HYLS1: variants seen among roughly 807,000 people sequenced by gnomAD.
HYLS1 encodes the protein centriolar and ciliogenesis-associated protein HYLS1.
HYLS1 carries 25 observed loss-of-function variants against 29.4 expected under a neutral mutation model. The observed-to-expected ratio is 0.85, with a 90% CI of 0.62 to 1.19. The LOEUF is 1.19. HYLS1 is among the 50% of genes most tolerant of loss of function. HYLS1 has a pLI of 0.00. For synonymous variants in HYLS1, 128 were observed against 126.7 expected (o/e 1.01, Z -0.07); for missense variants, 352 against 365.1 (o/e 0.96, Z 0.29).
intron 2 of HYLS1, among the ~76,000 whole-genome samples, chr11:125,897,703 T>C (rs1399440289): frequency 6.6e-6 from 1 of 152,156 alleles, no homozygotes; most frequent in Non-Finnish European, 1.5e-5. Flanking sequence ...AAAGACAAAG[T>C]TTGATAGTAT....
chr11:125,895,315 T>C lies in HYLS1; in HGVS notation c.-26+3843T>C, dbSNP rs575899270. On this transcript the variant is annotated intron_variant, in intron 2 of 2. Coordinates refer to ENST00000425380, the MANE Select transcript of HYLS1 (RefSeq NM_001134793.2). ...ATTCCTTGGCCAATCAGAAAGAGGA[T>C]AGCCATCATACATCGGACTTGATGA... The C allele has an allele frequency of 1.1e-5, 18 of 1,614,018 alleles. No homozygotes were observed. The highest frequency in any genetic ancestry group is 6.6e-5 in the South Asian group (6 of 91,084).
upstream of HYLS1, chr11:125,887,257 T>C (rs1166151119): frequency 6.6e-6 from 1 of 152,436 alleles, no homozygotes; most frequent in African/African-American, 2.4e-5. Context: ...CAGCAGCCAG[T>C]TGAGAAGGGC....
At chr11:125,896,000 T>C (rs756703983) in intron 2 of HYLS1, 20 of 1,614,070 alleles carry the variant, frequency 1.2e-5, no homozygotes, top group Non-Finnish European at 1.5e-5. Flanking sequence ...TGGTTAGAGC[T>C]TCAAACAGTT....
In HYLS1 at chr11:125,899,863, A is replaced by G. The variant is rs1944709492; in HGVS notation, c.495A>G (p.Gln165=). The G allele has an allele frequency of 1.2e-6, 2 of 1,614,228 alleles. No homozygotes were observed. The highest frequency in any genetic ancestry group is 2.2e-5 in the South Asian group (2 of 91,086). ...CACATGAATACCAAGGAATTTCTCA[A>G]GATCAGCTCATTTGCTCTCTACAAA... The part of the protein sequence containing the change: ...NLPHEYQGIS[Q]DQLICSLQRE... Residue 165 remains glutamine (Q), a synonymous_variant, in exon 3 of 3, where the codon CAA becomes CAG. Coordinates refer to ENST00000425380, the MANE Select transcript of HYLS1 (RefSeq NM_001134793.2).
intron 1 of HYLS1, among the ~76,000 whole-genome samples, chr11:125,890,896 A>G (rs1256115002): frequency 6.6e-6 from 1 of 152,192 alleles, no homozygotes; most frequent in African/African-American, 2.4e-5. Flanking sequence ...CAGAGGAAAT[A>G]ACACATTAAT....
At chr11:125,894,418 G>A (rs1944513163) in intron 2 of HYLS1, 2 of 666,490 alleles carry the variant, frequency 3.0e-6, no homozygotes, top group Non-Finnish European at 5.1e-6. Flanking sequence ...CCTAATAGCT[G>A]AGAAAATATC....
chr11:125,884,642 T>C (rs964707048), upstream of HYLS1, among the ~76,000 whole-genome samples: 2 of 152,138 alleles, frequency 1.3e-5, no homozygotes, highest in African/African-American at 4.8e-5. Context: ...TAGTATTATG[T>C]TATGCTTTTA....
intron 2 of HYLS1, among the ~76,000 whole-genome samples, chr11:125,893,013 G>C (rs1944456434): frequency 6.6e-6 from 1 of 152,152 alleles, no homozygotes; most frequent in Non-Finnish European, 1.5e-5. Context: ...CACATTTAAA[G>C]TGGTTCTTTA....
chr11:125,897,992 C>T (rs1023503577), intron 2 of HYLS1, among the ~76,000 whole-genome samples: 1 of 152,120 alleles, frequency 6.6e-6, no homozygotes, highest in Admixed American at 6.6e-5. Context: ...CATTGGAATT[C>T]CGCGCAACAT....
chr11:125,895,508 A>G lies in HYLS1; in HGVS notation c.-25-3836A>G, dbSNP rs367946467. On this transcript the variant is annotated intron_variant, in intron 2 of 2. Transcript: ENST00000425380. ...CCATTTTACACAAGTTCCTGAAATC[A>G]TGGGTGCCAACATACTTCTGAGCTG... The G allele has an allele frequency of 6.8e-6, 11 of 1,614,052 alleles. No homozygotes were observed. Among genetic ancestry groups the G allele is most frequent in the African/African-American group, 1.3e-5 (1 of 74,936 alleles).
At position 125,900,162 on chromosome 11, in the gene HYLS1, T is replaced by C. The variant is rs372320419; in HGVS notation, c.794T>C (p.Leu265Pro). 1 of 1,614,186 alleles carries C rather than the reference T, an allele frequency of 6.2e-7. No individual in the cohort carries two copies. Among genetic ancestry groups the C allele is most frequent in the Non-Finnish European group, 8.5e-7 (1 of 1,180,032 alleles). ...CATATATATGTCCCAAACAATTATC[T>C]AGTACCAACAGAGAAGAAAAGGTCT... Reference protein sequence around the residue: ...PQHIYVPNNYLVPTEKKRSAL... With the variant: ...PQHIYVPNNYPVPTEKKRSAL... Residue 265 changes from leucine (L) to proline (P), a missense_variant, in exon 3 of 3, where the codon CTA becomes CCA. Transcript: ENST00000425380.
At chr11:125,898,024 TGCTGATATA>T (rs1340497530) in intron 2 of HYLS1, among the ~76,000 whole-genome samples, 1 of 152,202 alleles carries the variant, frequency 6.6e-6, no homozygotes, top group Non-Finnish European at 1.5e-5. Context: ...TGTCGGCCTG[TGCTGATATA>T]GCTGGATAAC....
Position 125,900,505 on chromosome 11 carries a change from GTCTT to G in HYLS1, c.*241_*244del, listed in dbSNP as rs1944739175. 2.0e-6 allele frequency: 1 copy of G among 511,374 alleles called. No individual in the cohort carries two copies. Among genetic ancestry groups the G allele is most frequent in the African/African-American group, 1.9e-5 (1 of 51,770 alleles). The allele number at this position is 511,374 out of a possible 1,614,324, so 31.7% of individuals were successfully genotyped here. On this transcript the variant is annotated 3_prime_UTR_variant, in exon 3 of 3. Coordinates refer to ENST00000425380, the MANE Select transcript of HYLS1 (RefSeq NM_001134793.2). ...TATCAGAGAAAGAACAACAGACCTG[GTCTT>G]TCTATTTTGTCAAATTAGTAAGGGC... is the stretch of plus-strand genomic sequence containing the variant.
intron 2 of HYLS1, among the ~76,000 whole-genome samples, chr11:125,896,524 G>GA (rs951831695): frequency 2.6e-5 from 4 of 152,202 alleles, no homozygotes; most frequent in African/African-American, 9.7e-5. Flanking sequence ...TTCACAGAGG[G>GA]AAAGAACTGT....
rs771348153 is a variant in HYLS1 at position 125,900,260 on chromosome 11, CCTT to C, written c.896_898del (p.Ser299del). On this transcript the variant is annotated inframe_deletion, in exon 3 of 3. Transcript: ENST00000425380. ...CAGGAAGCTTCCCTTCCCTCTTTCT[CCTT>C]CTTAAATCTTTTTAAACTTCTTTCA... 111 of 1,614,096 alleles carry C rather than the reference CCTT, an allele frequency of 6.9e-5. No individual in the cohort carries two copies. The highest frequency in any genetic ancestry group is 2.5e-4 in the East Asian group (11 of 44,892).
intron 2 of HYLS1, among the ~76,000 whole-genome samples, chr11:125,894,492 A>G (rs1345437785): frequency 6.6e-6 from 1 of 152,172 alleles, no homozygotes; most frequent in Admixed American, 6.5e-5. Flanking sequence ...TCATAGATCA[A>G]CCTGATCTAT....
intron 1 of HYLS1, among the ~76,000 whole-genome samples, chr11:125,890,166 T>C (rs779006202): frequency 3.3e-5 from 5 of 152,124 alleles, no homozygotes; most frequent in Non-Finnish European, 7.4e-5. Context: ...GGTCTTGAAC[T>C]CCTTCACAGC....
At chr11:125,894,112 T>C in intron 2 of HYLS1, 4 of 1,614,204 alleles carry the variant, frequency 2.5e-6, no homozygotes, top group South Asian at 2.2e-5. Flanking sequence ...CACAGGGTAC[T>C]GGAACAGTGT....
chr11:125,896,119 C>A, intron 2 of HYLS1: 1 of 1,614,204 alleles, frequency 6.2e-7, no homozygotes, highest in Non-Finnish European at 8.5e-7. Context: ...GCACTGAAAT[C>A]AAATGCACGC....
Sources: allele counts gnomAD v4.1 joint callset (sites outside exome capture counted in the v4.1 genomes callset), GRCh38; gene constraint gnomAD v4.1.1; transcripts MANE v1.5; gene names NCBI Gene and HGNC (gene_info 2026-07-23, HGNC 2026-07-21).